Variants in GRID1 observed in about 807,000 individuals in gnomAD.
The protein encoded by GRID1 is glutamate receptor ionotropic, delta-1.
Under a neutral mutation model 98.0 loss-of-function variants are expected in GRID1, and 28 were observed. The observed-to-expected ratio is 0.29, with a 90% CI of 0.21 to 0.39. The LOEUF (loss-of-function observed/expected upper bound fraction) is 0.39. GRID1 is among the 10% of genes least tolerant of loss of function. GRID1 has a pLI of 1.00. For missense variants in GRID1, 1,111 were observed against 1,340.5 expected (o/e 0.83, Z 2.67); for synonymous variants, 553 against 538.5 (o/e 1.03, Z -0.37).
Position 85,997,518 on chromosome 10 carries a change from A to G in GRID1, c.727-81279T>C, listed in dbSNP as rs910809977. Among the ~76,000 whole-genome samples the G allele has an allele frequency of 3.3e-5, 5 of 152,356 alleles. No homozygotes were observed. In the Middle Eastern group the frequency reaches 0.01, roughly 311 times the overall value. On this transcript the variant is annotated intron_variant, in intron 4 of 15. Transcript: ENST00000327946. Reference sequence around the variant, plus strand: ...GCAAATTATTGATTCTCAGTACACTATAAAAACGTAAGTATGCATATTGTA... The same window carrying G: ...GCAAATTATTGATTCTCAGTACACTGTAAAAACGTAAGTATGCATATTGTA...
At chr10:85,925,213 C>T (rs549553113) in intron 4 of GRID1, among the ~76,000 whole-genome samples, 1 of 152,308 alleles carries the variant, frequency 6.6e-6, no homozygotes, top group East Asian at 1.9e-4. Context: ...TAAGGCCCCC[C>T]ATGTTCTTGT....
intron 2 of GRID1, among the ~76,000 whole-genome samples, chr10:86,213,277 G>A (rs1254424763): frequency 6.6e-6 from 1 of 152,074 alleles, no homozygotes; most frequent in Non-Finnish European, 1.5e-5. Context: ...GCCACAGAGA[G>A]TACCACGCAC....
intron 8 of GRID1, among the ~76,000 whole-genome samples, chr10:85,776,816 T>C (rs1275415388): frequency 6.6e-6 from 1 of 152,192 alleles, no homozygotes; most frequent in Non-Finnish European, 1.5e-5. Flanking sequence ...TGTTCTGGCA[T>C]AGTCCTCAAA....
At chr10:85,787,737 G>A (rs1319450796) in intron 8 of GRID1, among the ~76,000 whole-genome samples, 3 of 152,060 alleles carry the variant, frequency 2.0e-5, no homozygotes, top group Non-Finnish European at 2.9e-5. Context: ...TCACCCAGCC[G>A]GCCTAAATGG....
chr10:86,262,923 G>C (rs1847039885), intron 2 of GRID1, among the ~76,000 whole-genome samples: 1 of 152,110 alleles, frequency 6.6e-6, no homozygotes, highest in Admixed American at 6.5e-5. Context: ...TTCCCAGGCC[G>C]GCATCGCCCG....
chr10:86,046,435 A>G, intron 4 of GRID1, among the ~76,000 whole-genome samples: 1 of 152,104 alleles, frequency 6.6e-6, no homozygotes, highest in Admixed American at 6.5e-5. Flanking sequence ...AAATCCAGGA[A>G]CCTTCATGAG....
chr10:86,304,853 G>T (rs2132084182), intron 2 of GRID1, among the ~76,000 whole-genome samples: 1 of 152,214 alleles, frequency 6.6e-6, no homozygotes, highest in East Asian at 1.9e-4. Flanking sequence ...GGTGTTCTCA[G>T]CCCTGAGCCT....
At chr10:85,867,454 T>A (rs1488494221) in intron 6 of GRID1, among the ~76,000 whole-genome samples, 2 of 151,640 alleles carry the variant, frequency 1.3e-5, no homozygotes, top group African/African-American at 4.8e-5. Context: ...GCAAAGGGAT[T>A]CCCCTCTCCC....
chr10:86,036,702 G>T (rs1291310456), intron 4 of GRID1, among the ~76,000 whole-genome samples: 2 of 152,162 alleles, frequency 1.3e-5, no homozygotes, highest in Admixed American at 6.5e-5. Context: ...AAGCAGGAAG[G>T]CTCTCCACCG....
intron 2 of GRID1, among the ~76,000 whole-genome samples, chr10:86,248,150 C>T (rs1369729732): frequency 2.0e-5 from 3 of 152,238 alleles, no homozygotes; most frequent in Admixed American, 1.3e-4. Flanking sequence ...GCCACTTCCA[C>T]AAAGTAGGCA....
intron 2 of GRID1, among the ~76,000 whole-genome samples, chr10:86,341,024 C>T (rs1302276842): frequency 2.6e-5 from 4 of 152,114 alleles, no homozygotes; most frequent in Admixed American, 2.6e-4. Context: ...TACTGTAATC[C>T]CCTGGCTCTC....
At chr10:86,009,893 A>G (rs745575799) in intron 4 of GRID1, among the ~76,000 whole-genome samples, 3 of 152,216 alleles carry the variant, frequency 2.0e-5, no homozygotes, top group Admixed American at 1.3e-4. Context: ...GAAAGTTACC[A>G]GGCTGAAAAC....
chr10:85,734,042 T>C (rs1037020332), intron 8 of GRID1, among the ~76,000 whole-genome samples: 1 of 152,158 alleles, frequency 6.6e-6, no homozygotes, highest in African/African-American at 2.4e-5. Flanking sequence ...AACTGCATGA[T>C]AGGGGAGCAA....
intron 2 of GRID1, among the ~76,000 whole-genome samples, chr10:86,356,398 T>A (rs993569990): frequency 6.6e-6 from 1 of 152,252 alleles, no homozygotes; most frequent in Admixed American, 6.5e-5. Flanking sequence ...ACCAGTTGTT[T>A]CCAGTTCTCT....
At chr10:85,651,324 C>T (rs764556319) in intron 12 of GRID1, among the ~76,000 whole-genome samples, 1 of 152,154 alleles carries the variant, frequency 6.6e-6, no homozygotes, top group Non-Finnish European at 1.5e-5. Context: ...GGGTAACAGG[C>T]CAGAGTAGTC....
chr10:85,967,625 G>A (rs1589317430), intron 4 of GRID1, among the ~76,000 whole-genome samples: 2 of 152,176 alleles, frequency 1.3e-5, no homozygotes, highest in South Asian at 4.1e-4. Flanking sequence ...TCACCAAATG[G>A]AGAATGTCAA....
intron 2 of GRID1, among the ~76,000 whole-genome samples, chr10:86,308,438 C>A (rs1041488898): frequency 6.6e-6 from 1 of 152,174 alleles, no homozygotes; most frequent in Non-Finnish European, 1.5e-5. Flanking sequence ...GAAGTCTATG[C>A]CCAAAGGAAC....
At chr10:86,294,056 C>T (rs939889856) in intron 2 of GRID1, among the ~76,000 whole-genome samples, 5 of 152,050 alleles carry the variant, frequency 3.3e-5, no homozygotes, top group East Asian at 1.9e-4. Context: ...AAAACTAAAT[C>T]GAGGCAGAGG....
chr10:86,366,522 C>G lies in GRID1; in HGVS notation c.-130G>C. 1 of 418,482 alleles carries G rather than the reference C, an allele frequency of 2.4e-6. No individual in the cohort carries two copies. The highest frequency in any genetic ancestry group is 4.9e-5 in the East Asian group (1 of 20,566). The allele number at this position is 418,482 out of a possible 1,614,324, so 25.9% of individuals were successfully genotyped here. On this transcript the variant is annotated 5_prime_UTR_variant, in exon 1 of 16. Transcript: ENST00000327946. The surrounding 1 kb of genome is among the most constrained non-coding windows in gnomAD (Gnocchi z 4.1). The stretch of plus-strand genomic sequence containing the variant: ...AGAGCCGAGCCCGCCCGTGCGTCTT[C>G]CCCCGCGCGCCCGCCCCTGCGCCCT...
Sources: allele counts gnomAD v4.1 joint callset (sites outside exome capture counted in the v4.1 genomes callset), GRCh38; gene constraint gnomAD v4.1.1; non-coding constraint Gnocchi (gnomAD v3.1); transcripts MANE v1.5; gene names NCBI Gene and HGNC (gene_info 2026-07-23, HGNC 2026-07-21).